Variants in SOX5 observed in about 807,000 individuals in gnomAD.
SOX5 encodes SRY-box transcription factor 5, also known as transcription factor SOX-5.
Under a neutral mutation model 92.0 loss-of-function variants are expected in SOX5, and 9 were observed. That is an observed-to-expected ratio of 0.10 (90% CI 0.06 to 0.17). The LOEUF is 0.17. Ranked by LOEUF, SOX5 falls within the 10% of genes least tolerant of loss-of-function variation. SOX5 has a pLI of 1.00. For synonymous variants in SOX5, 344 were observed against 336.3 expected, an observed-to-expected ratio of 1.02 and a Z score of -0.25; for missense variants, 642 against 944.5, an observed-to-expected ratio of 0.68 and a Z score of 4.20.
chr12:23,634,885 A>C (rs2079023736), intron 8 of SOX5, among the ~76,000 whole-genome samples: 1 of 152,226 alleles, frequency 6.6e-6, no homozygotes, highest in Non-Finnish European at 1.5e-5. Flanking sequence ...TTTGAGCAAA[A>C]TAGATGAATA....
chr12:23,873,569 T>C (rs1341813232), intron 2 of SOX5, among the ~76,000 whole-genome samples: 2 of 152,178 alleles, frequency 1.3e-5, no homozygotes, highest in East Asian at 1.9e-4. Flanking sequence ...AAAATACCAG[T>C]TTCTGTGTTT....
intron 1 of SOX5, among the ~76,000 whole-genome samples, chr12:24,424,813 G>GC (rs1446729155): frequency 1.3e-5 from 2 of 150,726 alleles, no homozygotes; most frequent in East Asian, 1.9e-4. Flanking sequence ...TTTTTTGGGG[G>GC]GGGGGGATGG....
chr12:23,756,854 A>C (rs897191442), intron 3 of SOX5, among the ~76,000 whole-genome samples: 2 of 151,886 alleles, frequency 1.3e-5, no homozygotes, highest in African/African-American at 4.8e-5. Context: ...TATTATTAGA[A>C]ACTGGTTAAT....
intron 2 of SOX5, among the ~76,000 whole-genome samples, chr12:23,853,435 A>G (rs1055188724): frequency 2.0e-5 from 3 of 151,920 alleles, no homozygotes; most frequent in African/African-American, 7.2e-5. Flanking sequence ...ACTGCAAGTT[A>G]AGGGCAAATT....
chr12:23,900,775 C>A (rs1734465646), intron 1 of SOX5, among the ~76,000 whole-genome samples: 1 of 152,056 alleles, frequency 6.6e-6, no homozygotes, highest in Non-Finnish European at 1.5e-5. Flanking sequence ...GCCCAGCCAA[C>A]ATGGTGAAAC....
rs577766396 is a variant in SOX5 at position 24,150,883 on chromosome 12, G to GA, written c.-2+62459dup. Among the ~76,000 whole-genome samples, 589 of 147,042 alleles carry GA rather than the reference G, an allele frequency of 4.0e-3. 4 individuals are homozygous for GA. The highest frequency in any genetic ancestry group is 8.1e-3 in the African/African-American group (326 of 40,024). Reference sequence around the variant, plus strand: ...AAGGCAAGATCTCAGTAAATTTTTTGAAAAAAAAAAGTTTTCATTGATCAA... The same window carrying GA: ...AAGGCAAGATCTCAGTAAATTTTTTGAAAAAAAAAAAGTTTTCATTGATCAA... On this transcript the variant is annotated intron_variant, in intron 4 of 4. Transcript: ENST00000446891.
At chr12:24,359,869 T>C (rs1022834905) in intron 2 of SOX5, among the ~76,000 whole-genome samples, 1 of 152,102 alleles carries the variant, frequency 6.6e-6, no homozygotes. Flanking sequence ...CTTACATCAT[T>C]CCCCAATTCT....
At chr12:23,722,143 A>G (rs1000092361) in intron 6 of SOX5, among the ~76,000 whole-genome samples, 1 of 152,236 alleles carries the variant, frequency 6.6e-6, no homozygotes, top group African/African-American at 2.4e-5. Context: ...CTGAGCATAA[A>G]AAATTGTTAT....
At chr12:23,660,038 C>G (rs984649755) in intron 7 of SOX5, among the ~76,000 whole-genome samples, 1 of 152,118 alleles carries the variant, frequency 6.6e-6, no homozygotes, top group African/African-American at 2.4e-5. Flanking sequence ...TTGTATTAAA[C>G]CAAGCAAATG....
chr12:23,802,289 C>T (rs1594591640), intron 3 of SOX5, among the ~76,000 whole-genome samples: 1 of 152,084 alleles, frequency 6.6e-6, no homozygotes, highest in Admixed American at 6.6e-5. Flanking sequence ...ACCTTGTTAG[C>T]CAGGATGGTC....
intron 8 of SOX5, 81 bp from the exon 9 acceptor site, chr12:23,604,614 C>G: frequency 7.4e-7 from 1 of 1,350,330 alleles, no homozygotes; most frequent in Non-Finnish European, 1.0e-6. Context: ...TACATATATT[C>G]AGATATGGTA....
At chr12:23,760,349 C>G (rs928544531) in intron 3 of SOX5, among the ~76,000 whole-genome samples, 12 of 151,978 alleles carry the variant, frequency 7.9e-5, no homozygotes. Context: ...GGATCTGTCT[C>G]TTTAGGGGAA....
chr12:24,188,207 G>A (rs947661919), intron 4 of SOX5, among the ~76,000 whole-genome samples: 1 of 152,112 alleles, frequency 6.6e-6, no homozygotes, highest in Non-Finnish European at 1.5e-5. Context: ...AAATTTAAAT[G>A]AACAAGGCAA....
intron 3 of SOX5, among the ~76,000 whole-genome samples, chr12:23,841,222 T>A (rs1399149548): frequency 1.3e-5 from 2 of 152,060 alleles, no homozygotes; most frequent in Non-Finnish European, 2.9e-5. Context: ...TGCTGAACAT[T>A]TCTTAAAATT....
intron 1 of SOX5, among the ~76,000 whole-genome samples, chr12:24,436,996 G>T (rs1788803372): frequency 6.6e-6 from 1 of 152,158 alleles, no homozygotes; most frequent in South Asian, 2.1e-4. Flanking sequence ...TAGTTTAAGT[G>T]CACTGTTGAG....
At chr12:24,333,243 CA>C (rs76791699) in intron 2 of SOX5, among the ~76,000 whole-genome samples, 3 of 151,592 alleles carry the variant, frequency 2.0e-5, no homozygotes, top group African/African-American at 7.2e-5. Flanking sequence ...AACTTACCAG[CA>C]AAAAAAGTAT....
intron 3 of SOX5, among the ~76,000 whole-genome samples, chr12:23,815,249 G>A (rs148387483): frequency 6.6e-5 from 10 of 152,138 alleles, no homozygotes; most frequent in Middle Eastern, 3.4e-3. Context: ...AATAAACACC[G>A]GATAATTCAA....
chr12:24,321,729 G>T (rs981129449), intron 2 of SOX5, among the ~76,000 whole-genome samples: 5 of 152,126 alleles, frequency 3.3e-5, no homozygotes, highest in African/African-American at 4.8e-5. Context: ...GCATTTTTAG[G>T]ATTACTATAA....
At chr12:23,833,287 G>A (rs1338666368) in intron 3 of SOX5, among the ~76,000 whole-genome samples, 1 of 151,894 alleles carries the variant, frequency 6.6e-6, no homozygotes, top group Non-Finnish European at 1.5e-5. Context: ...AGGAGAGGTT[G>A]TGGAGGGAAA....
Sources: gnomAD v4.1 joint callset for allele counts (sites outside exome capture counted in the v4.1 genomes callset) on GRCh38, gnomAD v4.1.1 for gene constraint, MANE v1.5 for transcripts, NCBI Gene and HGNC (gene_info 2026-07-23, HGNC 2026-07-21) for gene names.